PAK4: variants seen among roughly 807,000 people sequenced by gnomAD.
The protein encoded by PAK4 is p21 (RAC1) activated kinase 4.
A neutral mutation model predicts 53.5 loss-of-function variants in PAK4; 49 were observed. The ratio of observed to expected loss-of-function variants is 0.92; its 90% CI spans 0.73 to 1.16. PAK4 has a LOEUF of 1.16. Ranked by LOEUF, PAK4 falls within the 50% of genes most tolerant of loss-of-function variation. PAK4 has a pLI of 0.00. For missense variants in PAK4, 824 were observed against 850.7 expected, an observed-to-expected ratio of 0.97 and a Z score of 0.39; for synonymous variants, 376 against 375.6, an observed-to-expected ratio of 1.00 and a Z score of -0.01.
rs1052837480 is a variant in PAK4 at position 39,173,386 on chromosome 19, C to A, written c.663+10C>A. On this transcript the variant is annotated intron_variant, in intron 3 of 8. Coordinates refer to ENST00000358301, the Ensembl canonical transcript of PAK4. This position sits in a 1 kb window ranked among gnomAD's most constrained non-coding sequence, Gnocchi z 6.9. ...ATCCCGGGGTGCCCAGGTAACCCAT[C>A]CCCCGCCCCAGGGCCCCCACTGTCC... 2.5e-5 allele frequency: 38 copies of A among 1,512,514 alleles called. No individual in the cohort carries two copies. Among genetic ancestry groups the A allele is most frequent in the Non-Finnish European group, 3.1e-5 (35 of 1,128,920 alleles). The allele number at this position is 1,512,514 out of a possible 1,614,324, so 93.7% of individuals were successfully genotyped here.
chr19:39,151,807 C>T (rs1361628919), intron 1 of PAK4, among the ~76,000 whole-genome samples: 2 of 152,232 alleles, frequency 1.3e-5, no homozygotes, highest in Non-Finnish European at 2.9e-5. Flanking sequence ...GACTCTCTGT[C>T]ACCCAGGCTG....
At chr19:39,139,448 T>C (rs1187438208) in intron 1 of PAK4, among the ~76,000 whole-genome samples, 1 of 152,094 alleles carries the variant, frequency 6.6e-6, no homozygotes, top group Non-Finnish European at 1.5e-5. Context: ...GAGTGATGGC[T>C]TGGAGGCGGC....
chr19:39,141,129 C>CAGG (rs1424581386), intron 1 of PAK4, among the ~76,000 whole-genome samples: 1 of 152,110 alleles, frequency 6.6e-6, no homozygotes, highest in African/African-American at 2.4e-5. Context: ...AATAGTCTCG[C>CAGG]GCCCTCCTGG....
chr19:39,135,907 G>A (rs1265427482), intron 1 of PAK4, among the ~76,000 whole-genome samples: 3 of 142,934 alleles, frequency 2.1e-5, no homozygotes, highest in Non-Finnish European at 3.1e-5. Context: ...TTGCCCCCCC[G>A]CCACATCCAA....
intron 1 of PAK4, among the ~76,000 whole-genome samples, chr19:39,146,690 G>A (rs1415746833): frequency 6.6e-6 from 1 of 151,994 alleles, no homozygotes; most frequent in Non-Finnish European, 1.5e-5. Context: ...AAATAGAAAA[G>A]CTTATCTGGC....
chr19:39,178,572 C>A lies in PAK4; in HGVS notation c.1769C>A (p.Thr590Asn). The stretch of plus-strand genomic sequence containing the variant: ...GTGCCCCTCATGCGCCAGAACCGCA[C>A]CAGATGAGGCCCAGCGCCCTTCCCC... Residue 590 changes from threonine (T) to asparagine (N), a missense_variant, in exon 9 of 9, where the codon ACC (threonine) becomes AAC (asparagine). Around this residue, in one of 2 missense-constraint regions of PAK4, gnomAD observed 346 missense variants for 415.0 expected, o/e 0.83. Transcript: ENST00000358301. The surrounding 1 kb of genome is among the most constrained non-coding windows in gnomAD (Gnocchi z 4.4). The A allele has an allele frequency of 6.3e-7, 1 of 1,592,638 alleles. No individual in the cohort carries two copies. The highest frequency in any genetic ancestry group is 8.6e-7 in the Non-Finnish European group (1 of 1,167,318).
At chr19:39,163,164 AG>A (rs2074312473) in intron 1 of PAK4, among the ~76,000 whole-genome samples, 2 of 152,172 alleles carry the variant, frequency 1.3e-5, no homozygotes, top group Admixed American at 6.5e-5. Context: ...CAGAGCTGGT[AG>A]GTGAAGATTG....
chr19:39,164,664 T>C (rs1207430209), intron 1 of PAK4, among the ~76,000 whole-genome samples: 2 of 152,220 alleles, frequency 1.3e-5, no homozygotes, highest in African/African-American at 4.8e-5. Flanking sequence ...GGTTTAAGGC[T>C]GTGAACTCTG....
intron 1 of PAK4, among the ~76,000 whole-genome samples, chr19:39,133,878 G>A (rs1159875315): frequency 1.1e-4 from 17 of 152,174 alleles, no homozygotes. Flanking sequence ...TGCGTGGGGT[G>A]CCAGCCCCCC....
At chr19:39,144,264 G>C (rs142092197) in intron 1 of PAK4, among the ~76,000 whole-genome samples, 21 of 152,292 alleles carry the variant, frequency 1.4e-4, no homozygotes, top group Admixed American at 7.2e-4. Flanking sequence ...TACACTCGCC[G>C]TGTGACTGAG....
intron 1 of PAK4, among the ~76,000 whole-genome samples, chr19:39,148,595 G>A (rs2145179821): frequency 6.8e-6 from 1 of 146,116 alleles, no homozygotes; most frequent in Admixed American, 7.1e-5. Flanking sequence ...GCTGGGACTA[G>A]GGAGGCGCCC....
At chr19:39,127,239 G>A (rs1020753695) in intron 1 of PAK4, among the ~76,000 whole-genome samples, 1 of 151,932 alleles carries the variant, frequency 6.6e-6, no homozygotes, top group African/African-American at 2.4e-5. Context: ...GTGGTCCTTA[G>A]TCACTCCCAC....
intron 1 of PAK4, 139 bp from the exon 3 acceptor site, chr19:39,169,393 G>A (rs1424978705): frequency 4.6e-6 from 3 of 658,560 alleles, no homozygotes; most frequent in African/African-American, 3.6e-5. Context: ...GGCGCAGGGG[G>A]TGGGCAGGGA....
chr19:39,177,335 G>C (rs1031730305), intron 7 of PAK4, among the ~76,000 whole-genome samples: 3 of 152,174 alleles, frequency 2.0e-5, no homozygotes, highest in African/African-American at 7.2e-5. Context: ...CCTGGGTCCT[G>C]TGCCTGTTTC....
chr19:39,150,231 G>A (rs374660098), intron 1 of PAK4, among the ~76,000 whole-genome samples: 15 of 152,114 alleles, frequency 9.9e-5, no homozygotes, highest in East Asian at 7.7e-4. Flanking sequence ...TGCAGCGCTG[G>A]GAGAGGGATT....
intron 1 of PAK4, among the ~76,000 whole-genome samples, chr19:39,148,399 A>C (rs529512224): frequency 7.5e-6 from 1 of 134,028 alleles, no homozygotes; most frequent in South Asian, 2.5e-4. Flanking sequence ...TCTTTTATGG[A>C]TTGTGCATTT....
Position 39,178,550 on chromosome 19 carries a change from C to A in PAK4, c.1747C>A (p.Pro583Thr). ...GGCAGGGCCGCCTGCCAGCATCGTG[C>A]CCCTCATGCGCCAGAACCGCACCAG... Residue 583 changes from proline to threonine, a missense_variant, in exon 9 of 9, where the codon CCC becomes ACC. Physicochemically the swap from Pro to Thr is conservative, Grantham distance 38 (BLOSUM62 -1). Coordinates refer to ENST00000358301, the Ensembl canonical transcript of PAK4. This position sits in a 1 kb window ranked among gnomAD's most constrained non-coding sequence, Gnocchi z 4.4. 6.2e-7 allele frequency: 1 copy of A among 1,609,162 alleles called. No individual in the cohort carries two copies. Among genetic ancestry groups the A allele is most frequent in the Non-Finnish European group, 8.5e-7 (1 of 1,178,230 alleles).
chr19:39,127,345 C>T (rs772016225), intron 1 of PAK4, among the ~76,000 whole-genome samples: 4 of 152,042 alleles, frequency 2.6e-5, no homozygotes, highest in Admixed American at 1.3e-4. Context: ...CCTTCCTGTT[C>T]CTTCTGCTGG....
At chr19:39,166,066 G>T (rs1035172860) in intron 1 of PAK4, among the ~76,000 whole-genome samples, 3 of 152,234 alleles carry the variant, frequency 2.0e-5, no homozygotes, top group Non-Finnish European at 2.9e-5. Flanking sequence ...GGCACTTACT[G>T]AGCACTTACT....
Sources: allele counts gnomAD v4.1 joint callset (sites outside exome capture counted in the v4.1 genomes callset), GRCh38; gene constraint gnomAD v4.1.1; regional missense constraint gnomAD v4.1.1; non-coding constraint Gnocchi (gnomAD v3.1); transcripts MANE v1.5; gene names NCBI Gene and HGNC (gene_info 2026-07-23, HGNC 2026-07-21).